SNX29: variants seen among roughly 807,000 people sequenced by gnomAD.
SNX29 encodes the protein sorting nexin-29.
In SNX29, 78 loss-of-function variants were observed where a neutral mutation model predicts 102.1. That is an observed-to-expected ratio of 0.76 (90% CI 0.64 to 0.92). The LOEUF is 0.92. SNX29 is among the 40% of genes least tolerant of loss of function. SNX29 has a pLI of 0.00. For missense variants in SNX29, 1,280 were observed against 1,061.7 expected, an observed-to-expected ratio of 1.21 and a Z score of -2.86; for synonymous variants, 580 against 414.5, an observed-to-expected ratio of 1.40 and a Z score of -4.85.
At chr16:12,520,067 C>G (rs1230988108) in intron 19 of SNX29, among the ~76,000 whole-genome samples, 3 of 152,080 alleles carry the variant, frequency 2.0e-5, no homozygotes, top group African/African-American at 7.2e-5. Flanking sequence ...AGGAATATAG[C>G]CTTCCATGAA....
intron 18 of SNX29, among the ~76,000 whole-genome samples, chr16:12,406,580 A>G (rs12926672): frequency 0.49 from 74,814 of 152,004 alleles, 19,308 homozygotes; most frequent in Non-Finnish European, 0.58. Context: ...CAGAGCTCCT[A>G]GCCATGTGTG....
chr16:12,431,607 A>C (rs1325538809), intron 18 of SNX29, among the ~76,000 whole-genome samples: 1 of 152,138 alleles, frequency 6.6e-6, no homozygotes, highest in African/African-American at 2.4e-5. Flanking sequence ...GACCTTTTGC[A>C]AAAAGTGTCA....
intron 18 of SNX29, among the ~76,000 whole-genome samples, chr16:12,442,618 G>A (rs1022237388): frequency 2.0e-5 from 3 of 151,368 alleles, no homozygotes; most frequent in Non-Finnish European, 4.4e-5. Context: ...AGGGTCTCAG[G>A]CTGTCACCCA....
chr16:12,247,921 G>A (rs2078306212), intron 14 of SNX29, among the ~76,000 whole-genome samples: 1 of 152,138 alleles, frequency 6.6e-6, no homozygotes, highest in Admixed American at 6.5e-5. Context: ...GTGGTGTGTT[G>A]TTTACCACAC....
intron 16 of SNX29, among the ~76,000 whole-genome samples, chr16:12,368,660 C>T (rs1241092584): frequency 6.6e-6 from 1 of 152,220 alleles, no homozygotes; most frequent in Non-Finnish European, 1.5e-5. Flanking sequence ...TTTCCTGCCA[C>T]TGATCCTGAA....
At chr16:12,493,138 A>G (rs905299623) in intron 19 of SNX29, among the ~76,000 whole-genome samples, 6 of 152,240 alleles carry the variant, frequency 3.9e-5, no homozygotes, top group South Asian at 2.1e-4. Context: ...GGCCGTTTTC[A>G]TGATACTGAT....
intron 20 of SNX29, among the ~76,000 whole-genome samples, chr16:12,543,648 T>G (rs1049219010): frequency 6.6e-6 from 1 of 151,554 alleles, no homozygotes; most frequent in South Asian, 2.1e-4. Flanking sequence ...GTGCCGTCTG[T>G]CTCCAGACGC....
At chr16:12,328,197 T>C (rs1439599014) in intron 15 of SNX29, among the ~76,000 whole-genome samples, 1 of 152,230 alleles carries the variant, frequency 6.6e-6, no homozygotes, top group Non-Finnish European at 1.5e-5. Context: ...CAATAAACTC[T>C]AGTTGTTCTT....
chr16:11,990,480 G>A (rs530646783), intron 1 of SNX29, among the ~76,000 whole-genome samples: 3 of 152,192 alleles, frequency 2.0e-5, no homozygotes, highest in East Asian at 1.9e-4. Context: ...TATGTGCCCC[G>A]GGCATATATT....
intron 20 of SNX29, among the ~76,000 whole-genome samples, chr16:12,556,775 A>G (rs1301035564): frequency 6.6e-6 from 1 of 152,138 alleles, no homozygotes; most frequent in African/African-American, 2.4e-5. Context: ...TTCTGGTTTG[A>G]GCATTGGAGT....
intron 19 of SNX29, among the ~76,000 whole-genome samples, chr16:12,478,302 G>A (rs991089464): frequency 2.6e-5 from 4 of 152,184 alleles, no homozygotes; most frequent in Non-Finnish European, 5.9e-5. Flanking sequence ...GCCAACCCCT[G>A]TTCTGGACCA....
At chr16:12,265,931 A>C (rs1395496946) in intron 14 of SNX29, among the ~76,000 whole-genome samples, 1 of 152,028 alleles carries the variant, frequency 6.6e-6, no homozygotes, top group Non-Finnish European at 1.5e-5. Context: ...TGGCATGAGA[A>C]TAGAAAGTAA....
chr16:12,534,615 A>G (rs766539181), intron 20 of SNX29, among the ~76,000 whole-genome samples: 2 of 152,224 alleles, frequency 1.3e-5, no homozygotes, highest in Non-Finnish European at 2.9e-5. Context: ...AAATTCAAAA[A>G]GCAAATTCCA....
At chr16:12,012,932 G>A (rs2056700898) in intron 3 of SNX29, among the ~76,000 whole-genome samples, 1 of 147,970 alleles carries the variant, frequency 6.8e-6, no homozygotes, top group South Asian at 2.1e-4. Flanking sequence ...TACCAATTGG[G>A]AAAAAAGAAA....
At chr16:12,169,687 C>G (rs1012422832) in intron 13 of SNX29, among the ~76,000 whole-genome samples, 2 of 152,124 alleles carry the variant, frequency 1.3e-5, no homozygotes, top group African/African-American at 2.4e-5. Context: ...TGGTGAAATG[C>G]TATCTGTACT....
chr16:12,211,627 T>A (rs1036880553), intron 14 of SNX29, among the ~76,000 whole-genome samples: 1 of 152,148 alleles, frequency 6.6e-6, no homozygotes, highest in Admixed American at 6.5e-5. Context: ...TTGACCCATG[T>A]TATGGTGGCA....
intron 4 of SNX29, among the ~76,000 whole-genome samples, chr16:12,036,725 C>A (rs1209989233): frequency 1.3e-5 from 2 of 152,146 alleles, no homozygotes; most frequent in African/African-American, 4.8e-5. Context: ...ACACCCCTCA[C>A]CCCGCATGGC....
intron 20 of SNX29, among the ~76,000 whole-genome samples, chr16:12,544,134 A>G (rs1394127920): frequency 1.3e-5 from 2 of 152,204 alleles, no homozygotes; most frequent in African/African-American, 4.8e-5. Context: ...CCATAACCCT[A>G]TATTCACCGG....
intron 20 of SNX29, among the ~76,000 whole-genome samples, chr16:12,543,196 T>C (rs1263733375): frequency 6.6e-6 from 1 of 152,218 alleles, no homozygotes; most frequent in Admixed American, 6.5e-5. Context: ...GGAAAAATCA[T>C]ATTCATCACG....
Sources: gnomAD v4.1 joint callset for allele counts (sites outside exome capture counted in the v4.1 genomes callset) on GRCh38, gnomAD v4.1.1 for gene constraint, MANE v1.5 for transcripts, NCBI Gene and HGNC (gene_info 2026-07-23, HGNC 2026-07-21) for gene names.